Variants in RGS7 observed in about 807,000 individuals in gnomAD.
RGS7 encodes regulator of G protein signaling 7.
A neutral mutation model predicts 81.1 loss-of-function variants in RGS7; 27 were observed. That is an observed-to-expected ratio of 0.33 (90% CI 0.25 to 0.46). The LOEUF (loss-of-function observed/expected upper bound fraction) is 0.46. Ranked by LOEUF, RGS7 falls within the 20% of genes least tolerant of loss-of-function variation. The pLI is 1.00. For synonymous variants in RGS7, 208 were observed against 207.7 expected (o/e 1.00, Z -0.01); for missense variants, 396 against 607.4 (o/e 0.65, Z 3.66).
intron 2 of RGS7, among the ~76,000 whole-genome samples, chr1:241,335,752 C>T (rs562118333): frequency 2.0e-5 from 3 of 152,166 alleles, no homozygotes; most frequent in African/African-American, 4.8e-5. Flanking sequence ...ACCAGTTTTC[C>T]AGGGGCTGCA....
Position 240,868,628 on chromosome 1 carries a change from C to G in RGS7, c.568G>C (p.Asp190His). ...TCCCAGAACGCTCTCTCTTGGCTGT[C>G]AAGGATCTTCCTTTCAATCTTGTCT... Reference protein sequence around the residue: ...KRDKIERKILDSQERAFWDVH... With the variant: ...KRDKIERKILHSQERAFWDVH... Residue 190 changes from aspartate (D) to histidine (H), a missense_variant, in exon 9 of 19, where the codon GAC becomes CAC. Physicochemically the swap from Asp to His is moderately conservative, Grantham distance 81. Transcript: ENST00000440928. The surrounding 1 kb of genome is among the most constrained non-coding windows in gnomAD (Gnocchi z 5.1). 6.2e-7 allele frequency: 1 copy of G among 1,614,168 alleles called. No homozygotes were observed. The highest frequency in any genetic ancestry group is 1.1e-5 in the South Asian group (1 of 91,080).
In RGS7 at chr1:240,990,361, A is replaced by C. The variant is rs6674336; in HGVS notation, c.176-7232T>G. On this transcript the variant is annotated intron_variant, in intron 3 of 18. Coordinates refer to ENST00000440928, the MANE Select transcript of RGS7 (RefSeq NM_001364886.1). ...ATGTCAAATTTTGAATGAAACGAAT[A>C]TGTTATTCTGCCTTGCTATGAATAT... Among the ~76,000 whole-genome samples the C allele has an allele frequency of 6.2e-3, 950 of 152,336 alleles. 15 individuals are homozygous for C. Among genetic ancestry groups the C allele is most frequent in the African/African-American group, 0.022 (900 of 41,578 alleles).
intron 9 of RGS7, among the ~76,000 whole-genome samples, chr1:240,845,458 CTG>C (rs1658902825): frequency 6.6e-6 from 1 of 152,160 alleles, no homozygotes; most frequent in East Asian, 1.9e-4. Flanking sequence ...TAATATCCTG[CTG>C]TGTCTTATGA....
At chr1:241,208,472 C>T (rs1047330700) in intron 2 of RGS7, among the ~76,000 whole-genome samples, 1 of 152,068 alleles carries the variant, frequency 6.6e-6, no homozygotes, top group Non-Finnish European at 1.5e-5. Context: ...GATTGAATTT[C>T]CTCCCAACAC....
At chr1:241,199,211 C>T (rs2073309140) in intron 2 of RGS7, among the ~76,000 whole-genome samples, 1 of 152,028 alleles carries the variant, frequency 6.6e-6, no homozygotes, top group Non-Finnish European at 1.5e-5. Flanking sequence ...AATCCCAGCA[C>T]TTCGGGAGGC....
chr1:241,295,335 C>A (rs1293409965), intron 2 of RGS7, among the ~76,000 whole-genome samples: 1 of 149,306 alleles, frequency 6.7e-6, no homozygotes, highest in South Asian at 2.1e-4. Flanking sequence ...TGCCTGAAAT[C>A]CCAGCTACTT....
At chr1:241,314,423 T>C (rs1022626652) in intron 2 of RGS7, among the ~76,000 whole-genome samples, 1 of 152,254 alleles carries the variant, frequency 6.6e-6, no homozygotes, top group Non-Finnish European at 1.5e-5. Context: ...AAAGAATTTC[T>C]AAGTTAAGGT....
intron 3 of RGS7, among the ~76,000 whole-genome samples, chr1:241,016,426 A>G (rs574747778): frequency 4.6e-5 from 7 of 152,062 alleles, no homozygotes; most frequent in East Asian, 1.9e-4. Flanking sequence ...GCTGAGGCAG[A>G]AGAATCACTT....
At chr1:240,930,070 AAAACTGT>A in intron 6 of RGS7, among the ~76,000 whole-genome samples, 1 of 152,338 alleles carries the variant, frequency 6.6e-6, no homozygotes, top group South Asian at 2.1e-4. Flanking sequence ...CTTGTCTTTG[AAAACTGT>A]ACTGTTCAGG....
intron 3 of RGS7, among the ~76,000 whole-genome samples, chr1:240,995,938 T>C (rs2148609245): frequency 6.6e-6 from 1 of 152,252 alleles, no homozygotes; most frequent in Admixed American, 6.5e-5. Context: ...TTCTAATGTA[T>C]ACATTTATGT....
intron 4 of RGS7, among the ~76,000 whole-genome samples, chr1:240,957,760 C>T (rs139188196): frequency 2.0e-5 from 3 of 152,198 alleles, no homozygotes; most frequent in Non-Finnish European, 4.4e-5. Flanking sequence ...ATGAGGGAAA[C>T]TGGGGGGTGG....
At chr1:241,130,272 A>C (rs1272354449) in intron 2 of RGS7, among the ~76,000 whole-genome samples, 1 of 152,022 alleles carries the variant, frequency 6.6e-6, no homozygotes, top group Non-Finnish European at 1.5e-5. Flanking sequence ...AATATACTTC[A>C]CCAGATGTTC....
chr1:241,201,423 T>A (rs2073485898), intron 2 of RGS7, among the ~76,000 whole-genome samples: 1 of 152,170 alleles, frequency 6.6e-6, no homozygotes, highest in African/African-American at 2.4e-5. Context: ...TCCAGAACCA[T>A]CCACCATGAA....
At chr1:240,808,505 A>C (rs1689274902) in intron 14 of RGS7, among the ~76,000 whole-genome samples, 1 of 152,212 alleles carries the variant, frequency 6.6e-6, no homozygotes, top group African/African-American at 2.4e-5. Context: ...GGCAAGTTCT[A>C]TTATTTCCCT....
intron 2 of RGS7, among the ~76,000 whole-genome samples, chr1:241,254,195 T>C (rs555985807): frequency 6.5e-4 from 77 of 118,936 alleles, no homozygotes; most frequent in African/African-American, 2.3e-3. Flanking sequence ...CAAGACTCCA[T>C]CTCAAAAAAA....
intron 2 of RGS7, among the ~76,000 whole-genome samples, chr1:241,128,603 T>C (rs2066858040): frequency 1.3e-5 from 2 of 151,942 alleles, no homozygotes; most frequent in Admixed American, 6.6e-5. Flanking sequence ...TAAATAAATT[T>C]AAAAAGTTCA....
At chr1:241,210,705 G>T (rs1410447284) in intron 2 of RGS7, among the ~76,000 whole-genome samples, 1 of 152,170 alleles carries the variant, frequency 6.6e-6, no homozygotes, top group Non-Finnish European at 1.5e-5. Context: ...ATGTGGAAAA[G>T]AATAAATAGA....
intron 2 of RGS7, among the ~76,000 whole-genome samples, chr1:241,315,101 C>CTT (rs2080787765): frequency 5.8e-5 from 3 of 52,070 alleles, no homozygotes; most frequent in African/African-American, 7.7e-5. Flanking sequence ...TTTTTTTCTT[C>CTT]TTCTTCTTTT....
intron 4 of RGS7, among the ~76,000 whole-genome samples, chr1:240,951,284 G>A (rs1192425515): frequency 6.6e-6 from 1 of 151,994 alleles, no homozygotes; most frequent in African/African-American, 2.4e-5. Context: ...AGTGTGAAGA[G>A]GCAAAACAAC....
Sources: allele counts gnomAD v4.1 joint callset (sites outside exome capture counted in the v4.1 genomes callset), GRCh38; gene constraint gnomAD v4.1.1; non-coding constraint Gnocchi (gnomAD v3.1); transcripts MANE v1.5; gene names NCBI Gene and HGNC (gene_info 2026-07-23, HGNC 2026-07-21).